Variants in FANCE observed in about 807,000 individuals in gnomAD.
The protein encoded by FANCE is FA complementation group E.
In FANCE, 42 loss-of-function variants were observed where a neutral mutation model predicts 57.8. The observed-to-expected ratio is 0.73, with a 90% CI of 0.57 to 0.94. FANCE has a LOEUF of 0.94. Among genes scored for constraint, FANCE ranks in the 40% least tolerant of loss-of-function variants. The pLI is 0.00. For missense variants in FANCE, 608 were observed against 661.8 expected, an observed-to-expected ratio of 0.92 and a Z score of 0.89; for synonymous variants, 251 against 286.4, an observed-to-expected ratio of 0.88 and a Z score of 1.25.
At chr6:35,465,660 A>G (rs1461146909) in intron 9 of FANCE, among the ~76,000 whole-genome samples, 1 of 152,176 alleles carries the variant, frequency 6.6e-6, no homozygotes, top group East Asian at 1.9e-4. Context: ...CTGGAGATCT[A>G]GGCAGAAGGA....
In FANCE at chr6:35,455,885, A is replaced by T. The variant is rs4713867; in HGVS notation, c.387A>T (p.Pro129=). ...CCCAGCAGGACCTAGCCCCTGACCC[A>T]GATGCCTGGCTCCGTGCCCTGGGGG... The part of the protein sequence containing the change: ...QIAQQDLAPD[P]DAWLRALGEL... The change falls in exon 2 of 10, where the codon CCA becomes CCT. Residue 129 remains proline (P), a synonymous_variant. Coordinates refer to ENST00000229769, the MANE Select transcript of FANCE (RefSeq NM_021922.3). 4.3e-5 allele frequency: 70 copies of T among 1,613,874 alleles called. No individual in the cohort carries two copies. Among genetic ancestry groups the T allele is most frequent in the African/African-American group, 4.0e-5 (3 of 74,890 alleles).
chr6:35,454,571 T>A (rs1561788179), intron 1 of FANCE, among the ~76,000 whole-genome samples: 1 of 152,136 alleles, frequency 6.6e-6, no homozygotes, highest in Non-Finnish European at 1.5e-5. Flanking sequence ...ACGCCTCAGG[T>A]CACGTAGGAT....
At position 35,457,998 on chromosome 6, in the gene FANCE, A is replaced by C. The variant is rs1444670878; in HGVS notation, c.969+14A>C. The C allele has an allele frequency of 6.2e-7, 1 of 1,608,010 alleles. No homozygotes were observed. Among genetic ancestry groups the C allele is most frequent in the South Asian group, 1.1e-5 (1 of 90,974 alleles). On this transcript the variant is annotated intron_variant, in intron 4 of 9. Coordinates refer to ENST00000229769, the MANE Select transcript of FANCE (RefSeq NM_021922.3). Reference sequence around the variant, plus strand: ...AGTCCCAGCCAGGTGAGTCCAGATGACTGCCTGGCTCTGAGGTTACATTCT... The same window carrying C: ...AGTCCCAGCCAGGTGAGTCCAGATGCCTGCCTGGCTCTGAGGTTACATTCT...
chr6:35,457,500 C>T, intron 2 of FANCE, 56 bp from the exon 3 acceptor site: 2 of 1,599,244 alleles, frequency 1.3e-6, no homozygotes, highest in Non-Finnish European at 1.7e-6. Context: ...CAGAACCGGG[C>T]TTGGGGTCAT....
chr6:35,458,245 G>C, intron 4 of FANCE, 52 bp from the exon 5 acceptor site: 3 of 1,607,130 alleles, frequency 1.9e-6, no homozygotes, highest in Non-Finnish European at 2.5e-6. Flanking sequence ...CAGCCTAGCA[G>C]AGGCAGAGTG....
Position 35,466,955 on chromosome 6 carries a change from C to G in FANCE, c.*610C>G, listed in dbSNP as rs1431576024. The G allele has an allele frequency of 4.4e-6, 1 of 225,298 alleles. No homozygotes were observed. The highest frequency in any genetic ancestry group is 8.8e-6 in the Non-Finnish European group (1 of 113,040). 14.0% of individuals were successfully genotyped at this position (225,298 alleles called of 1,614,324 possible). A position where few individuals can be genotyped will look rare whatever the true frequency, so the allele number is the denominator to read the frequency against. On this transcript the variant is annotated 3_prime_UTR_variant, in exon 10 of 10. Transcript: ENST00000229769. The stretch of plus-strand genomic sequence containing the variant: ...TAGGGCTCAGTAGGATCAAGCCGAC[C>G]CAGAGTGGGCATGGGATGCTCCAGG...
rs1767858009 is a variant in FANCE, at chr6:35,466,852, C to T, written c.*507C>T. ...ACAGGTGTGAGCCACCACACCAGGC[C>T]AGAGCTATATTTCCAAAGGCTGCTG... On this transcript the variant is annotated 3_prime_UTR_variant, in exon 10 of 10. Transcript: ENST00000229769. 3.9e-6 allele frequency: 1 copy of T among 255,340 alleles called. No individual in the cohort carries two copies. The highest frequency in any genetic ancestry group is 7.6e-6 in the Non-Finnish European group (1 of 131,510). The allele number at this position is 255,340 out of a possible 1,614,324, so 15.8% of individuals were successfully genotyped here. A position where few individuals can be genotyped will look rare whatever the true frequency, so the allele number is the denominator to read the frequency against.
chr6:35,459,681 G>C lies in FANCE; in HGVS notation c.1238-1G>C, dbSNP rs1767507722. On this transcript the variant is annotated splice_acceptor_variant, in intron 6 of 9. Coordinates refer to ENST00000229769, the MANE Select transcript of FANCE (RefSeq NM_021922.3). LOFTEE classifies it high-confidence loss of function. ...TTCCCCTTCTGCTGTCCTCTACCCA[G>C]GTCCTGCTCAAACAGAGTTACTGTG... The C allele has an allele frequency of 1.9e-6, 3 of 1,613,962 alleles. No homozygotes were observed. The highest frequency in any genetic ancestry group is 2.5e-6 in the Non-Finnish European group (3 of 1,179,980).
intron 6 of FANCE, 45 bp from the exon 7 acceptor site, chr6:35,459,637 C>A (rs1374413046): frequency 6.2e-7 from 1 of 1,600,264 alleles, no homozygotes; most frequent in African/African-American, 1.3e-5. Context: ...CTGCTGTCTT[C>A]TGCCATTTCC....
At position 35,466,428 on chromosome 6, in the gene FANCE, C is replaced by T; in HGVS notation, c.*83C>T. 1 of 934,172 alleles carries T rather than the reference C, an allele frequency of 1.1e-6. No individual in the cohort carries two copies. The highest frequency in any genetic ancestry group is 1.8e-6 in the Non-Finnish European group (1 of 563,942). The allele number at this position is 934,172 out of a possible 1,614,324, so 57.9% of individuals were successfully genotyped here. On this transcript the variant is annotated 3_prime_UTR_variant, in exon 10 of 10. Transcript: ENST00000229769. ...TCTTTCTTCACCACCTTGTCTTGAGCCCTAGCCTGAGGATAAAGGCTGAGC... is the reference window on the plus strand; with the variant it reads ...TCTTTCTTCACCACCTTGTCTTGAGTCCTAGCCTGAGGATAAAGGCTGAGC...
At chr6:35,463,953 C>T (rs924139255) in intron 9 of FANCE, among the ~76,000 whole-genome samples, 22 of 152,076 alleles carry the variant, frequency 1.4e-4, no homozygotes, top group African/African-American at 3.9e-4. Context: ...CGTGAGCTGT[C>T]GTGCCCAGAC....
intron 8 of FANCE, among the ~76,000 whole-genome samples, chr6:35,462,117 A>G (rs143094089): frequency 6.7e-6 from 1 of 149,824 alleles, no homozygotes; most frequent in South Asian, 2.1e-4. Context: ...AATAATTATT[A>G]TTTTTTTTGA....
rs762129986 is a variant in FANCE at position 35,466,168 on chromosome 6, A to T, written c.1510-76A>T. 8.7e-6 allele frequency: 8 copies of T among 923,466 alleles called. No individual in the cohort carries two copies. The African/African-American group carries it at 1.3e-4, about 15-fold the overall frequency. 57.2% of individuals were successfully genotyped at this position (923,466 alleles called of 1,614,324 possible). A position where few individuals can be genotyped will look rare whatever the true frequency, so the allele number is the denominator to read the frequency against. The stretch of plus-strand genomic sequence containing the variant: ...ATCCTCCTGGCCTCCTCTCTCCTCA[A>T]TAGAGCCCCTGGGGTAGTCGGGAGA... On this transcript the variant is annotated intron_variant, in intron 9 of 9. Transcript: ENST00000229769.
At chr6:35,462,443 G>T (rs1767631272) in intron 8 of FANCE, among the ~76,000 whole-genome samples, 1 of 152,162 alleles carries the variant, frequency 6.6e-6, no homozygotes, top group Non-Finnish European at 1.5e-5. Context: ...GATTAAGGTG[G>T]CAGTGTCTCT....
intron 8 of FANCE, among the ~76,000 whole-genome samples, chr6:35,461,445 T>C (rs1314851496): frequency 6.6e-6 from 1 of 152,164 alleles, no homozygotes; most frequent in Non-Finnish European, 1.5e-5. Context: ...TTCAGGGGAA[T>C]CCGCCCCCCT....
intron 4 of FANCE, 81 bp downstream of exon 4, chr6:35,458,065 C>G: frequency 7.2e-7 from 1 of 1,394,888 alleles, no homozygotes; most frequent in Non-Finnish European, 1.0e-6. Context: ...GTTTTCCTAC[C>G]TCATGTGGGA....
intron 1 of FANCE, among the ~76,000 whole-genome samples, chr6:35,454,279 C>T (rs1190574567): frequency 6.6e-6 from 1 of 152,130 alleles, no homozygotes; most frequent in Non-Finnish European, 1.5e-5. Context: ...CTGGGCTGGT[C>T]TGGAACTCCT....
At chr6:35,453,980 T>C (rs1581697595) in intron 1 of FANCE, among the ~76,000 whole-genome samples, 1 of 152,322 alleles carries the variant, frequency 6.6e-6, no homozygotes, top group East Asian at 1.9e-4. Flanking sequence ...TAAAATTTCC[T>C]GGAGTAGGGT....
chr6:35,454,516 G>C (rs2150888307), intron 1 of FANCE, among the ~76,000 whole-genome samples: 1 of 152,268 alleles, frequency 6.6e-6, no homozygotes, highest in African/African-American at 2.4e-5. Flanking sequence ...GAGGAGTAGA[G>C]ACGTGAGGGG....
Sources: allele counts gnomAD v4.1 joint callset (sites outside exome capture counted in the v4.1 genomes callset), GRCh38; gene constraint gnomAD v4.1.1; transcripts MANE v1.5; gene names NCBI Gene and HGNC (gene_info 2026-07-23, HGNC 2026-07-21).